Variants in AUTS2 observed in about 807,000 individuals in gnomAD.
AUTS2 encodes the protein autism susceptibility gene 2 protein.
A neutral mutation model predicts 112.4 loss-of-function variants in AUTS2; 17 were observed. The observed-to-expected ratio is 0.15, with a 90% CI of 0.10 to 0.23. The LOEUF (loss-of-function observed/expected upper bound fraction) is 0.23. Ranked by LOEUF, AUTS2 falls within the 10% of genes least tolerant of loss-of-function variation. The pLI is 1.00. For missense variants in AUTS2, 1,510 were observed against 1,701.6 expected, an observed-to-expected ratio of 0.89 and a Z score of 1.98; for synonymous variants, 751 against 702.7, an observed-to-expected ratio of 1.07 and a Z score of -1.09.
chr7:70,428,772 T>C (rs1795533298), intron 4 of AUTS2, among the ~76,000 whole-genome samples: 1 of 152,188 alleles, frequency 6.6e-6, no homozygotes, highest in Non-Finnish European at 1.5e-5. Flanking sequence ...TGTCATTGTA[T>C]GTGATATATT....
chr7:70,166,249 C>T (rs552937416), intron 4 of AUTS2, among the ~76,000 whole-genome samples: 1 of 152,140 alleles, frequency 6.6e-6, no homozygotes, highest in African/African-American at 2.4e-5. Flanking sequence ...TTGTGCAGCC[C>T]ATGAGCAAAT....
chr7:70,570,772 C>T (rs1206749777), intron 5 of AUTS2, among the ~76,000 whole-genome samples: 2 of 152,234 alleles, frequency 1.3e-5, no homozygotes, highest in Non-Finnish European at 2.9e-5. Context: ...CTTCCTGTTG[C>T]ATTCCCATCT....
At chr7:70,214,495 C>T (rs923550311) in intron 4 of AUTS2, among the ~76,000 whole-genome samples, 2 of 152,214 alleles carry the variant, frequency 1.3e-5, no homozygotes, top group Non-Finnish European at 2.9e-5. Flanking sequence ...ACAAAACACT[C>T]AGTCACACAC....
chr7:70,706,841 C>T (rs1187955007), intron 6 of AUTS2, among the ~76,000 whole-genome samples: 1 of 152,150 alleles, frequency 6.6e-6, no homozygotes, highest in Non-Finnish European at 1.5e-5. Context: ...GCATAATTAA[C>T]CTGAGGAAGC....
At chr7:70,370,001 G>A (rs1240555694) in intron 4 of AUTS2, among the ~76,000 whole-genome samples, 1 of 152,132 alleles carries the variant, frequency 6.6e-6, no homozygotes, top group Non-Finnish European at 1.5e-5. Flanking sequence ...TTCCAACAAT[G>A]CTATCAACAG....
At chr7:70,022,909 T>C (rs1563046459) in intron 2 of AUTS2, among the ~76,000 whole-genome samples, 1 of 152,176 alleles carries the variant, frequency 6.6e-6, no homozygotes, top group Non-Finnish European at 1.5e-5. Flanking sequence ...CGGAGTGCAG[T>C]GGCATGATCA....
At chr7:69,965,273 C>T (rs1053082511) in intron 2 of AUTS2, among the ~76,000 whole-genome samples, 1 of 152,118 alleles carries the variant, frequency 6.6e-6, no homozygotes, top group African/African-American at 2.4e-5. Context: ...AAGAACTTTA[C>T]ATGCATTGTC....
At chr7:70,487,651 A>G (rs535044277) in intron 5 of AUTS2, among the ~76,000 whole-genome samples, 1 of 152,310 alleles carries the variant, frequency 6.6e-6, no homozygotes, top group Admixed American at 6.5e-5. Context: ...GCTAAATGTG[A>G]TAAATGAATA....
At chr7:69,917,853 T>TTGTTGTTGC in intron 2 of AUTS2, among the ~76,000 whole-genome samples, 1 of 152,002 alleles carries the variant, frequency 6.6e-6, no homozygotes, top group Non-Finnish European at 1.5e-5. Flanking sequence ...GTTGTTGTTG[T>TTGTTGTTGC]TGTTGTTGCG....
chr7:70,132,185 AAAAG>A (rs79420509), intron 3 of AUTS2, among the ~76,000 whole-genome samples: 2 of 151,758 alleles, frequency 1.3e-5, no homozygotes, highest in Non-Finnish European at 2.9e-5. Flanking sequence ...AAAAAAAAAA[AAAAG>A]AGTACAGTAG....
At chr7:70,053,686 T>G (rs1464832139) in intron 2 of AUTS2, among the ~76,000 whole-genome samples, 1 of 152,078 alleles carries the variant, frequency 6.6e-6, no homozygotes, top group Non-Finnish European at 1.5e-5. Flanking sequence ...ACTACAGGCA[T>G]GCACCACCAC....
intron 5 of AUTS2, among the ~76,000 whole-genome samples, chr7:70,696,795 A>G (rs1002176079): frequency 3.3e-5 from 5 of 152,184 alleles, no homozygotes; most frequent in East Asian, 1.9e-4. Context: ...CTTGGGGCCA[A>G]TTAGAGTCAC....
At chr7:70,644,675 A>T (rs1273987974) in intron 5 of AUTS2, among the ~76,000 whole-genome samples, 1 of 152,096 alleles carries the variant, frequency 6.6e-6, no homozygotes, top group African/African-American at 2.4e-5. Flanking sequence ...AGATCCTGTA[A>T]TTCATTCAAC....
intron 2 of AUTS2, among the ~76,000 whole-genome samples, chr7:70,106,446 G>A (rs999535694): frequency 6.6e-5 from 10 of 152,190 alleles, no homozygotes; most frequent in African/African-American, 2.2e-4. Context: ...CAGGCCAGGT[G>A]TGGTGGTGCA....
chr7:70,057,392 G>A (rs1278452358), intron 2 of AUTS2, among the ~76,000 whole-genome samples: 1 of 152,096 alleles, frequency 6.6e-6, no homozygotes, highest in Non-Finnish European at 1.5e-5. Context: ...TGACCGGACT[G>A]GTATTTGAGT....
chr7:70,488,619 C>G (rs1585205833), intron 5 of AUTS2, among the ~76,000 whole-genome samples: 1 of 152,152 alleles, frequency 6.6e-6, no homozygotes, highest in East Asian at 1.9e-4. Flanking sequence ...CGTCCTCAAC[C>G]CTTTCTCTGG....
chr7:69,614,743 C>G (rs1793273848), intron 1 of AUTS2, among the ~76,000 whole-genome samples: 1 of 152,084 alleles, frequency 6.6e-6, no homozygotes, highest in Non-Finnish European at 1.5e-5. Context: ...CTTCACCTCC[C>G]AGAATGCTGG....
intron 5 of AUTS2, among the ~76,000 whole-genome samples, chr7:70,637,599 T>C (rs1805595723): frequency 6.6e-6 from 1 of 152,154 alleles, no homozygotes; most frequent in African/African-American, 2.4e-5. Context: ...TTACCCACAA[T>C]TTGAGAACCC....
chr7:70,496,789 A>C (rs1282476180), intron 5 of AUTS2, among the ~76,000 whole-genome samples: 1 of 137,794 alleles, frequency 7.3e-6, no homozygotes, highest in African/African-American at 2.8e-5. Context: ...TCAGACACAC[A>C]CACACACCCC....
Sources: allele counts gnomAD v4.1 joint callset (sites outside exome capture counted in the v4.1 genomes callset), GRCh38; gene constraint gnomAD v4.1.1; transcripts MANE v1.5; gene names NCBI Gene and HGNC (gene_info 2026-07-23, HGNC 2026-07-21).